The following SEMA3A variants were observed in gnomAD, a reference collection of about 807,000 sequenced individuals.
The protein encoded by SEMA3A is semaphorin-3A.
In SEMA3A, 29 loss-of-function variants were observed where a neutral mutation model predicts 97.9. That is an observed-to-expected ratio of 0.30 (90% CI 0.22 to 0.40). The LOEUF is 0.40. SEMA3A is among the 10% of genes least tolerant of loss of function. The pLI, the probability that SEMA3A is intolerant of heterozygous loss-of-function variation, is 1.00. For missense variants in SEMA3A, 763 were observed against 951.3 expected (o/e 0.80, Z 2.60); for synonymous variants, 321 against 323.7 (o/e 0.99, Z 0.09).
chr7:84,073,507 A>G (rs1793822204), intron 4 of SEMA3A, among the ~76,000 whole-genome samples: 1 of 152,170 alleles, frequency 6.6e-6, no homozygotes, highest in African/African-American at 2.4e-5. Flanking sequence ...TGGGGGCCAA[A>G]CTGTGGAGAG....
intron 1 of SEMA3A, among the ~76,000 whole-genome samples, chr7:84,404,059 G>T (rs1219471093): frequency 6.6e-6 from 1 of 152,156 alleles, no homozygotes; most frequent in African/African-American, 2.4e-5. Context: ...ACTTTGAAGA[G>T]TTGAGAGAAG....
rs562948337 is a variant in SEMA3A, at chr7:84,418,305, G to T, written c.-245-46405C>A. Among the ~76,000 whole-genome samples, 35 of 152,184 alleles carry T rather than the reference G, an allele frequency of 2.3e-4. No individual in the cohort carries two copies. The South Asian group carries it at 7.3e-3, about 32-fold the overall frequency. On this transcript the variant is annotated intron_variant, in intron 1 of 3. Coordinates refer to the SEMA3A transcript ENST00000424555. The stretch of plus-strand genomic sequence containing the variant: ...GAGCAAAGTCACATCTGACATGCTG[G>T]CAGACAAAAAGAGAGCATGTGCAGG...
chr7:84,064,353 T>G (rs564347446), intron 4 of SEMA3A, among the ~76,000 whole-genome samples: 44 of 152,086 alleles, frequency 2.9e-4, no homozygotes, highest in African/African-American at 8.7e-4. Context: ...AGGAATAAAC[T>G]GCATCAACTA....
chr7:84,477,073 AAT>A (rs10531036), intron 1 of SEMA3A, among the ~76,000 whole-genome samples: 25,360 of 140,330 alleles, frequency 0.18, 3,004 homozygotes, highest in East Asian at 0.58. Context: ...AAAAAAAAAA[AAT>A]ATATATATAT....
chr7:84,018,612 T>C (rs1206819450), intron 6 of SEMA3A, among the ~76,000 whole-genome samples: 1 of 152,154 alleles, frequency 6.6e-6, no homozygotes, highest in African/African-American at 2.4e-5. Flanking sequence ...AGTCAGAAGA[T>C]ATGACATATA....
chr7:84,293,261 T>G (rs1800793767), intron 3 of SEMA3A, among the ~76,000 whole-genome samples: 1 of 152,084 alleles, frequency 6.6e-6, no homozygotes, highest in East Asian at 1.9e-4. Context: ...TGGACTGACA[T>G]AATTACCTAT....
intron 4 of SEMA3A, among the ~76,000 whole-genome samples, chr7:84,070,708 A>T (rs1793709067): frequency 6.6e-6 from 1 of 152,004 alleles, no homozygotes; most frequent in African/African-American, 2.4e-5. Context: ...TATGCCAGTT[A>T]TACTAAATTA....
At chr7:84,252,588 GA>G (rs942772839) in intron 3 of SEMA3A, among the ~76,000 whole-genome samples, 112 of 152,162 alleles carry the variant, frequency 7.4e-4, no homozygotes, top group African/African-American at 2.6e-3. Context: ...ATCATTTATT[GA>G]AAACCAAATT....
At position 84,014,218 on chromosome 7, in the gene SEMA3A, C is replaced by G; in HGVS notation, c.801G>C (p.Gln267His). The change falls in exon 7 of 17, where the codon CAG becomes CAC. Residue 267 changes from glutamine (Q) to histidine (H), a missense_variant. This residue lies in a region of SEMA3A where 678 missense variants were observed against 881.3 expected (regional missense o/e 0.77). Coordinates refer to ENST00000265362, the MANE Select transcript of SEMA3A (RefSeq NM_006080.3). The part of the protein sequence containing the change: ...SGKATHARIG[Q>H]ICKNDFGGHR... Reference sequence around the variant, plus strand: ...TTTTTCTTTACCTCACCTTGCATATCTGACCTATTCTAGCGTGAGTAGCTT... The same window carrying G: ...TTTTTCTTTACCTCACCTTGCATATGTGACCTATTCTAGCGTGAGTAGCTT... 2 of 1,607,884 alleles carry G rather than the reference C, an allele frequency of 1.2e-6. No homozygotes were observed. The highest frequency in any genetic ancestry group is 1.7e-5 in the Admixed American group (1 of 58,816).
intron 1 of SEMA3A, among the ~76,000 whole-genome samples, chr7:84,417,422 A>G (rs553069202): frequency 2.2e-4 from 33 of 152,240 alleles, no homozygotes; most frequent in South Asian, 8.3e-4. Flanking sequence ...CACTTTAAAG[A>G]TTCTGAAAAA....
chr7:84,359,435 T>A (rs1419812388), intron 2 of SEMA3A, among the ~76,000 whole-genome samples: 13 of 152,116 alleles, frequency 8.5e-5, no homozygotes, highest in African/African-American at 2.2e-4. Context: ...ATATGCTGGA[T>A]TATGTTTATT....
Position 84,011,030 on chromosome 7 carries a change from C to G in SEMA3A, c.987G>C (p.Thr329=), listed in dbSNP as rs139214465. Residue 329 remains threonine, a synonymous_variant, in exon 9 of 17, where the codon ACG becomes ACC. Coordinates refer to ENST00000265362, the MANE Select transcript of SEMA3A (RefSeq NM_006080.3). ...GTTAAAAAGTTACTTACCTGGAAGTCGTAAACACTCCATATACAACTGGAT... is the reference window on the plus strand; with the variant it reads ...GTTAAAAAGTTACTTACCTGGAAGTGGTAAACACTCCATATACAACTGGAT... ...PKNPVVYGVF[T]TSSNIFKGSA... 6.8e-5 allele frequency: 110 copies of G among 1,605,966 alleles called. 1 individual carries two copies. Among genetic ancestry groups the G allele is most frequent in the Non-Finnish European group, 5.9e-5 (69 of 1,174,186 alleles).
At position 84,348,717 on chromosome 7, in the gene SEMA3A, G is replaced by A. The variant is rs867127220; in HGVS notation, c.-169+23107C>T. On this transcript the variant is annotated intron_variant, in intron 2 of 3. Coordinates refer to the SEMA3A transcript ENST00000424555. The stretch of plus-strand genomic sequence containing the variant: ...TTCTGTATTTTGGCCAGGTGCAGTG[G>A]CTCACGCCTGTAATCCCAGCACTTT... Among the ~76,000 whole-genome samples the A allele has an allele frequency of 1.1e-4, 17 of 152,296 alleles. 1 individual carries two copies. The highest frequency in any genetic ancestry group is 4.1e-4 in the South Asian group (2 of 4,824).
In SEMA3A at chr7:84,467,080, A is replaced by G. The variant is rs957973070; in HGVS notation, c.-246+25380T>C. 6.6e-5 allele frequency among the ~76,000 whole-genome samples: 10 copies of G among 152,284 alleles called. 2 individuals are homozygous for G. Among genetic ancestry groups the G allele is most frequent in the Admixed American group, 5.2e-4 (8 of 15,290 alleles). Reference sequence around the variant, plus strand: ...ATTTTGGTATGTAGTTGAAGTTTCAATATCAGTATGCATGGTCTGATTTAC... The same window carrying G: ...ATTTTGGTATGTAGTTGAAGTTTCAGTATCAGTATGCATGGTCTGATTTAC... On this transcript the variant is annotated intron_variant, in intron 1 of 3. Transcript: ENST00000424555.
In SEMA3A at chr7:84,194,381, G is replaced by T. The variant is rs1584110317; in HGVS notation, c.112+94C>A. On this transcript the variant is annotated intron_variant, in intron 1 of 16. Coordinates refer to ENST00000265362, the MANE Select transcript of SEMA3A (RefSeq NM_006080.3). ...CGTCGGTTTACCAGGTTAAACTAAA[G>T]GTTTGATGATTTGGGGTTGGGAGGG... 1.0e-5 allele frequency: 8 copies of T among 788,378 alleles called. No homozygotes were observed. In the East Asian group the frequency reaches 1.5e-4, roughly 15 times the overall value. The allele number at this position is 788,378 out of a possible 1,614,324, so 48.8% of individuals were successfully genotyped here.
intron 3 of SEMA3A, among the ~76,000 whole-genome samples, chr7:84,115,501 ATTTTC>A (rs1795397480): frequency 6.6e-6 from 1 of 152,032 alleles, no homozygotes; most frequent in Non-Finnish European, 1.5e-5. Context: ...GACTGCTGTG[ATTTTC>A]TTTTATTTAA....
intron 14 of SEMA3A, among the ~76,000 whole-genome samples, chr7:83,980,612 A>AC: frequency 1.2e-5 from 1 of 80,260 alleles, no homozygotes; most frequent in African/African-American, 5.4e-5. Flanking sequence ...TCAAAAAAAA[A>AC]AAAAAAAAAA....
chr7:84,352,135 C>T (rs1802452288), intron 2 of SEMA3A, among the ~76,000 whole-genome samples: 1 of 150,738 alleles, frequency 6.6e-6, no homozygotes, highest in South Asian at 2.1e-4. Flanking sequence ...CACAGAAAGA[C>T]AAACTTTGCA....
intron 2 of SEMA3A, among the ~76,000 whole-genome samples, chr7:84,329,942 C>T (rs1166996879): frequency 6.6e-6 from 1 of 151,970 alleles, no homozygotes; most frequent in East Asian, 1.9e-4. Context: ...CTTGTAACTG[C>T]TGGTTTAATT....
Sources: allele counts gnomAD v4.1 joint callset (sites outside exome capture counted in the v4.1 genomes callset), GRCh38; gene constraint gnomAD v4.1.1; regional missense constraint gnomAD v4.1.1; transcripts MANE v1.5; gene names NCBI Gene and HGNC (gene_info 2026-07-23, HGNC 2026-07-21).